The following KIAA1210 variants were observed in gnomAD, a reference collection of about 807,000 sequenced individuals.
KIAA1210 encodes the protein KIAA1210.
A neutral mutation model predicts 78.9 loss-of-function variants in KIAA1210; 48 were observed. The observed-to-expected ratio is 0.61, with a 90% confidence interval of 0.48 to 0.77. The LOEUF is 0.77. Among genes scored for constraint, KIAA1210 ranks in the 30% least tolerant of loss-of-function variants. The probability of loss-of-function intolerance (pLI) is 0.00; values close to 1 mark genes in which losing one functional copy is unlikely to be tolerated. For missense variants in KIAA1210, 1,108 were observed against 1,100.0 expected, an observed-to-expected ratio of 1.01 and a Z score of -0.10; for synonymous variants, 406 against 404.5, an observed-to-expected ratio of 1.00 and a Z score of -0.04.
Position 119,088,558 on chromosome X carries a change from A to C in KIAA1210, c.2144T>G (p.Val715Gly). Residue 715 changes from valine to glycine, a missense_variant, in exon 9 of 12, where the codon GTC becomes GGC. Coordinates refer to ENST00000691062, the MANE Select transcript of KIAA1210 (RefSeq NM_001394962.1). ...ALGKPKNQQE[V>G]SSASNNTPEE... ...AGGAGTATTATTTGAAGCAGAGGAG[A>C]CTTCTTGTTGGTTTTTGGGCTTTCC... 8.3e-7 allele frequency: 1 copy of C among 1,210,761 alleles called. No individual in the cohort carries two copies. Among genetic ancestry groups the C allele is most frequent in the Non-Finnish European group, 1.1e-6 (1 of 895,081 alleles).
chrX:119,140,573 C>A (rs1007072011), intron 2 of KIAA1210, among the ~76,000 whole-genome samples: 4 of 97,324 alleles, frequency 4.1e-5, no homozygotes, highest in African/African-American at 1.5e-4. Flanking sequence ...GCAGATTTAA[C>A]TAAAAATTCC....
intron 3 of KIAA1210, among the ~76,000 whole-genome samples, chrX:119,109,850 T>A (rs1928015492): frequency 8.9e-6 from 1 of 111,840 alleles, no homozygotes; most frequent in African/African-American, 3.3e-5. Context: ...TTCAAAGTCA[T>A]CCTATGTACC....
intron 1 of KIAA1210, among the ~76,000 whole-genome samples, chrX:119,149,150 A>T (rs57672153): frequency 0.26 from 28,496 of 108,973 alleles, 3,479 homozygotes; most frequent in South Asian, 0.41. Context: ...GAGCCTAGGA[A>T]AAAGCTCAAA....
chrX:119,089,842 A>G, intron 8 of KIAA1210, 96 bp from the exon 9 acceptor site: 1 of 841,817 alleles, frequency 1.2e-6, no homozygotes, highest in Non-Finnish European at 1.7e-6. Context: ...CCTATTTGCT[A>G]CTAAATTTCC....
intron 2 of KIAA1210, among the ~76,000 whole-genome samples, chrX:119,139,861 A>G (rs1929007019): frequency 2.7e-5 from 3 of 112,114 alleles, no homozygotes; most frequent in Non-Finnish European, 3.8e-5. Flanking sequence ...TGAGTCTCCA[A>G]TGAGGCCTCT....
In KIAA1210 at chrX:119,108,486, G is replaced by A. The variant is rs775368027; in HGVS notation, c.358-15C>T. ...ATATGGGATCTCTGTGTAAGAGAGA[G>A]AGAAAAAAACTTGAGGATTGGTATG... On this transcript the variant is annotated splice_polypyrimidine_tract_variant and intron_variant, in intron 4 of 11. Coordinates refer to ENST00000691062, the MANE Select transcript of KIAA1210 (RefSeq NM_001394962.1). 2.5e-6 allele frequency: 3 copies of A among 1,194,983 alleles called. No individual in the cohort carries two copies. The highest frequency in any genetic ancestry group is 4.8e-5 in the Admixed American group (2 of 42,043).
intron 2 of KIAA1210, among the ~76,000 whole-genome samples, chrX:119,121,518 A>C (rs1928456526): frequency 9.0e-6 from 1 of 110,998 alleles, no homozygotes; most frequent in South Asian, 3.9e-4. Flanking sequence ...CAACATACTC[A>C]TCCAGTCATG....
chrX:119,091,954 A>C lies in KIAA1210; in HGVS notation c.955+1713T>G, dbSNP rs150413086. On this transcript the variant is annotated intron_variant, in intron 8 of 11. Coordinates refer to ENST00000691062, the MANE Select transcript of KIAA1210 (RefSeq NM_001394962.1). ...AGACTCAGAAAGTGGGAAGGGTAGGAGGGGGTGAGGAATGAAAAACTACAT... is the reference window on the plus strand; with the variant it reads ...AGACTCAGAAAGTGGGAAGGGTAGGCGGGGGTGAGGAATGAAAAACTACAT... Among the ~76,000 whole-genome samples, 153 of 111,047 alleles carry C rather than the reference A, an allele frequency of 1.4e-3. 1 individual carries two copies. The East Asian group carries it at 0.015, about 11-fold the overall frequency.
At chrX:119,092,144 T>C (rs1230378642) in intron 8 of KIAA1210, among the ~76,000 whole-genome samples, 1 of 112,191 alleles carries the variant, frequency 8.9e-6, no homozygotes, top group Non-Finnish European at 1.9e-5. Context: ...AAAGAAATTC[T>C]TGGAATGCCT....
rs761251984 is a variant in KIAA1210 at position 119,088,196 on chromosome X, T to A, written c.2506A>T (p.Ile836Phe). The A allele has an allele frequency of 8.3e-6, 10 of 1,211,368 alleles. No individual in the cohort carries two copies. In the Admixed American group the frequency reaches 2.2e-4, roughly 26 times the overall value. Residue 836 changes from isoleucine (I) to phenylalanine (F), a missense_variant, in exon 9 of 12, where the codon ATT becomes TTT. By Grantham distance (21) the Ile-to-Phe change is conservative. Coordinates refer to ENST00000691062, the MANE Select transcript of KIAA1210 (RefSeq NM_001394962.1). ...GSEDIAVERV[I>F]SVEPLLPRYS... ...CTGGGGAGTAGTGGCTCCACAGAAATGACTCTCTCAACAGCAATGTCCTCT... is the reference window on the plus strand; with the variant it reads ...CTGGGGAGTAGTGGCTCCACAGAAAAGACTCTCTCAACAGCAATGTCCTCT...
intron 2 of KIAA1210, among the ~76,000 whole-genome samples, 192 bp from the exon 3 acceptor site, chrX:119,116,856 CAA>C (rs1928284721): frequency 1.8e-5 from 2 of 111,898 alleles, no homozygotes; most frequent in Admixed American, 9.5e-5. Context: ...AACTCAGTAA[CAA>C]AGTGTCTGAG....
Position 119,115,782 on chromosome X carries a change from G to A in KIAA1210, c.230+714C>T, listed in dbSNP as rs1928241704. ...ATCCAGAGACAGCTGGGAATCCTAG[G>A]TGTCCAGATAGCACAATAGGATGTG... On this transcript the variant is annotated intron_variant, in intron 3 of 11. Coordinates refer to ENST00000691062, the MANE Select transcript of KIAA1210 (RefSeq NM_001394962.1). Among the ~76,000 whole-genome samples the A allele has an allele frequency of 2.7e-5, 3 of 111,676 alleles. No individual in the cohort carries two copies. In the South Asian group the frequency reaches 1.1e-3, roughly 42 times the overall value.
chrX:119,147,883 T>C (rs752313799), intron 1 of KIAA1210, among the ~76,000 whole-genome samples: 41 of 112,326 alleles, frequency 3.7e-4, no homozygotes, highest in Non-Finnish European at 6.2e-4. Context: ...CGGTGGTTCA[T>C]GCCCGTAATC....
upstream of KIAA1210, among the ~76,000 whole-genome samples, chrX:119,128,714 T>C (rs761752087): frequency 6.3e-5 from 7 of 111,647 alleles, no homozygotes; most frequent in South Asian, 2.7e-3. Context: ...TCACTCTTTA[T>C]GCCCAGGCTG....
rs1344620169 is a variant in KIAA1210 at position 119,089,450 on chromosome X, T to C, written c.1252A>G (p.Met418Val). The change falls in exon 9 of 12, where the codon ATG (methionine) becomes GTG (valine). Residue 418 changes from methionine to valine, a missense_variant. Physicochemically the swap from Met to Val is conservative, Grantham distance 21 (BLOSUM62 1). Coordinates refer to ENST00000691062, the MANE Select transcript of KIAA1210 (RefSeq NM_001394962.1). ...FSHLSLEKDN[M>V]EQPTTSQPET... ...GGTTGTGAAGTTGTAGGCTGCTCCATGTTGTCCTTCTCTAAGGACAAGTGC... is the reference window on the plus strand; with the variant it reads ...GGTTGTGAAGTTGTAGGCTGCTCCACGTTGTCCTTCTCTAAGGACAAGTGC... 7 of 1,212,039 alleles carry C rather than the reference T, an allele frequency of 5.8e-6. No individual in the cohort carries two copies. Among genetic ancestry groups the C allele is most frequent in the Non-Finnish European group, 7.8e-6 (7 of 895,492 alleles).
rs893820505 is a variant in KIAA1210 at position 119,087,970 on chromosome X, G to A, written c.2732C>T (p.Pro911Leu). The A allele has an allele frequency of 9.1e-6, 11 of 1,208,799 alleles. No homozygotes were observed. Among genetic ancestry groups the A allele is most frequent in the Admixed American group, 6.6e-5 (3 of 45,724 alleles). Residue 911 changes from proline to leucine, a missense_variant, in exon 9 of 12, where the codon CCG (proline) becomes CTG (leucine). Around this residue, in one of 5 missense-constraint regions of KIAA1210, gnomAD observed 179 missense variants for 174.1 expected, o/e 1.03. Transcript: ENST00000691062. Reference protein sequence around the residue: ...VAPTPSKYTSPPWVTPKFEEL... With the variant: ...VAPTPSKYTSLPWVTPKFEEL... ...CTCAAATTTAGGGGTCACCCATGGCGGGGAAGTGTATTTGGAAGGTGTTGG... is the reference window on the plus strand; with the variant it reads ...CTCAAATTTAGGGGTCACCCATGGCAGGGAAGTGTATTTGGAAGGTGTTGG...
intron 7 of KIAA1210, among the ~76,000 whole-genome samples, chrX:119,094,363 A>T (rs1477571511): frequency 8.9e-6 from 1 of 112,035 alleles, no homozygotes; most frequent in African/African-American, 3.2e-5. Context: ...AGGTTTTCTG[A>T]TAATTACAAT....
chrX:119,093,360 G>A (rs1017350523), intron 8 of KIAA1210, among the ~76,000 whole-genome samples: 7 of 112,464 alleles, frequency 6.2e-5, no homozygotes, highest in Admixed American at 5.7e-4. Flanking sequence ...AACTCAGCAT[G>A]TACGTTAGCC....
intron 3 of KIAA1210, among the ~76,000 whole-genome samples, chrX:119,114,480 T>C (rs777649293): frequency 1.8e-5 from 2 of 112,384 alleles, no homozygotes; most frequent in Non-Finnish European, 3.8e-5. Flanking sequence ...TGATCCAGCA[T>C]TGAGAATGTA....
Sources: gnomAD v4.1 joint callset for allele counts (sites outside exome capture counted in the v4.1 genomes callset) on GRCh38, gnomAD v4.1.1 for gene constraint, gnomAD v4.1.1 regional missense constraint, MANE v1.5 for transcripts, NCBI Gene and HGNC (gene_info 2026-07-23, HGNC 2026-07-21) for gene names.